The following AIM2 variants were observed in gnomAD, a reference collection of about 807,000 sequenced individuals.
AIM2 encodes absent in melanoma 2.
Under a neutral mutation model 27.7 loss-of-function variants are expected in AIM2, and 30 were observed. The observed-to-expected ratio is 1.08, with a 90% CI of 0.81 to 1.47. The LOEUF (loss-of-function observed/expected upper bound fraction) is 1.47. AIM2 is among the 40% of genes most tolerant of loss of function. AIM2 has a pLI of 0.00. For missense variants in AIM2, 358 were observed against 411.3 expected (o/e 0.87, Z 1.12); for synonymous variants, 141 against 145.3 (o/e 0.97, Z 0.21).
chr1:159,144,288 A>G (rs972739203), upstream of AIM2, among the ~76,000 whole-genome samples: 1 of 152,012 alleles, frequency 6.6e-6, no homozygotes, highest in Non-Finnish European at 1.5e-5. Context: ...CCCCCCACCA[A>G]CAAGTGTCTC....
intron 2 of AIM2, among the ~76,000 whole-genome samples, chr1:159,069,701 C>A (rs1211344997): frequency 1.3e-5 from 2 of 152,170 alleles, no homozygotes; most frequent in Non-Finnish European, 1.5e-5. Context: ...TGCCACCACG[C>A]CTGACTAATT....
intron 1 of AIM2, among the ~76,000 whole-genome samples, chr1:159,121,346 C>T (rs889473429): frequency 1.3e-5 from 2 of 149,482 alleles, no homozygotes; most frequent in African/African-American, 2.6e-5. Context: ...AAATAACACA[C>T]TGTGACAATT....
chr1:159,119,697 T>C (rs1647478145), intron 1 of AIM2, among the ~76,000 whole-genome samples: 1 of 152,156 alleles, frequency 6.6e-6, no homozygotes. Flanking sequence ...TGCTCAATAC[T>C]ACTGGTTCAT....
At chr1:159,131,842 A>G (rs926055891) in intron 1 of AIM2, among the ~76,000 whole-genome samples, 12 of 152,290 alleles carry the variant, frequency 7.9e-5, no homozygotes, top group African/African-American at 2.2e-4. Flanking sequence ...CTGAAATTTT[A>G]TTTCTCTTCT....
At chr1:159,099,520 C>T (rs1307294117) in intron 1 of AIM2, among the ~76,000 whole-genome samples, 2 of 152,138 alleles carry the variant, frequency 1.3e-5, no homozygotes, top group African/African-American at 2.4e-5. Flanking sequence ...CCAAAGACTA[C>T]TAGACCTATC....
upstream of AIM2, among the ~76,000 whole-genome samples, chr1:159,079,520 C>T (rs1656723442): frequency 6.6e-6 from 1 of 150,464 alleles, no homozygotes; most frequent in African/African-American, 2.4e-5. Context: ...AAGCATGTCA[C>T]TTTGCATTTT....
intron 1 of AIM2, among the ~76,000 whole-genome samples, chr1:159,138,836 C>G (rs928721093): frequency 6.6e-6 from 1 of 152,158 alleles, no homozygotes; most frequent in Non-Finnish European, 1.5e-5. Flanking sequence ...ACATATCCTG[C>G]CCGCATACTT....
At chr1:159,118,851 T>G (rs973319087) in intron 1 of AIM2, among the ~76,000 whole-genome samples, 33 of 112,242 alleles carry the variant, frequency 2.9e-4, no homozygotes, top group Non-Finnish European at 5.0e-4. Flanking sequence ...GGTGTTTGTG[T>G]TTTTTTTTCC....
At chr1:159,132,074 G>A (rs745384672) in intron 1 of AIM2, among the ~76,000 whole-genome samples, 9 of 151,902 alleles carry the variant, frequency 5.9e-5, no homozygotes, top group African/African-American at 9.7e-5. Flanking sequence ...CTTGCCAGGC[G>A]TGGTGGCTCA....
chr1:159,123,619 G>A (rs1256866022), intron 1 of AIM2: 1 of 152,200 alleles, frequency 6.6e-6, no homozygotes, highest in Admixed American at 6.5e-5. Flanking sequence ...AAAGTTAGAT[G>A]GCTGGTATTA....
intron 1 of AIM2, among the ~76,000 whole-genome samples, chr1:159,119,736 G>C (rs1203804441): frequency 1.3e-5 from 2 of 152,088 alleles, no homozygotes; most frequent in African/African-American, 4.8e-5. Context: ...TCATTGGACA[G>C]AGTGGATAAA....
chr1:159,088,172 T>A (rs1475502740), intron 1 of AIM2, among the ~76,000 whole-genome samples: 1 of 152,056 alleles, frequency 6.6e-6, no homozygotes, highest in African/African-American at 2.4e-5. Context: ...CTGCTTGAGG[T>A]CTGGGGGTGA....
At chr1:159,105,929 G>C (rs1333673664) in intron 1 of AIM2, among the ~76,000 whole-genome samples, 25 of 152,188 alleles carry the variant, frequency 1.6e-4, no homozygotes, top group Non-Finnish European at 1.2e-4. Context: ...TTTGAAGATG[G>C]GGCTTCACTG....
intron 1 of AIM2, among the ~76,000 whole-genome samples, chr1:159,083,772 GT>G (rs1656836418): frequency 6.6e-6 from 1 of 152,164 alleles, no homozygotes; most frequent in Non-Finnish European, 1.5e-5. Context: ...TTCCAGCTAA[GT>G]GAATTTGGAA....
chr1:159,085,820 TG>T lies in AIM2; in HGVS notation c.-15-19492del, dbSNP rs146335862. On this transcript the variant is annotated intron_variant, in intron 1 of 2. Coordinates refer to the AIM2 transcript ENST00000368129. ...AAAGAAGCCAGACCTGGTGGAGTGC[TG>T]GAAGGCAAGGCAAAGAGTATTTCAA... Among the ~76,000 whole-genome samples the T allele has an allele frequency of 9.4e-3, 1,425 of 152,280 alleles. 18 individuals are homozygous for T. Among genetic ancestry groups the T allele is most frequent in the African/African-American group, 0.032 (1,346 of 41,558 alleles).
chr1:159,137,990 A>T (rs892948128), intron 1 of AIM2, among the ~76,000 whole-genome samples: 2 of 152,186 alleles, frequency 1.3e-5, no homozygotes, highest in African/African-American at 4.8e-5. Context: ...TATGGCATTT[A>T]TGTACTAAAA....
chr1:159,120,901 T>C lies in AIM2; in HGVS notation c.-16+19530A>G, dbSNP rs535251069. The stretch of plus-strand genomic sequence containing the variant: ...GAAAAACAACACGGGCAACAACTGA[T>C]TCTTATTTAGCAGTTACTAGTCCAA... On this transcript the variant is annotated intron_variant, in intron 1 of 2. Coordinates refer to the AIM2 transcript ENST00000368129. 1.8e-3 allele frequency among the ~76,000 whole-genome samples: 271 copies of C among 152,336 alleles called. 2 individuals are homozygous for C. The highest frequency in any genetic ancestry group is 3.7e-3 in the South Asian group (18 of 4,832).
intron 1 of AIM2, among the ~76,000 whole-genome samples, chr1:159,121,395 T>C (rs1162528385): frequency 6.6e-6 from 1 of 152,246 alleles, no homozygotes; most frequent in African/African-American, 2.4e-5. Flanking sequence ...ATTGTGAGTG[T>C]ACCTGTGAAC....
chr1:159,068,165 G>C (rs927406392), intron 3 of AIM2, among the ~76,000 whole-genome samples: 1 of 152,056 alleles, frequency 6.6e-6, no homozygotes, highest in Non-Finnish European at 1.5e-5. Flanking sequence ...CTCAGCTCCC[G>C]AGCTCCCTGT....
Sources: gnomAD v4.1 joint callset for allele counts (sites outside exome capture counted in the v4.1 genomes callset) on GRCh38, gnomAD v4.1.1 for gene constraint, MANE v1.5 for transcripts, NCBI Gene and HGNC (gene_info 2026-07-23, HGNC 2026-07-21) for gene names.